FAM133A: variants seen among roughly 807,000 people sequenced by gnomAD.
The protein encoded by FAM133A is protein FAM133A.
For missense variants in FAM133A, 159 were observed against 164.4 expected (o/e 0.97, Z 0.18); for synonymous variants, 65 against 58.6 (o/e 1.11, Z -0.50).
At chrX:93,681,351 G>A (rs1004564574) in intron 2 of FAM133A, among the ~76,000 whole-genome samples, 1 of 109,153 alleles carries the variant, frequency 9.2e-6, no homozygotes, top group South Asian at 3.8e-4. Flanking sequence ...AATTTATTTG[G>A]ACAAAATGGA....
intron 2 of FAM133A, among the ~76,000 whole-genome samples, chrX:93,685,010 G>A (rs1441284987): frequency 9.0e-6 from 1 of 111,605 alleles, no homozygotes; most frequent in Non-Finnish European, 1.9e-5. Flanking sequence ...GGTATTTGAA[G>A]CTTTTATGCA....
chrX:93,683,426 T>G (rs1569345724), intron 2 of FAM133A, among the ~76,000 whole-genome samples: 1 of 112,217 alleles, frequency 8.9e-6, no homozygotes, highest in Non-Finnish European at 1.9e-5. Context: ...TTGCTTGAAT[T>G]AAGCATAATC....
chrX:93,674,136 G>T (rs1223495864), upstream of FAM133A: 1 of 110,961 alleles, frequency 9.0e-6, no homozygotes, highest in African/African-American at 3.3e-5. Flanking sequence ...AAAAAGGGGA[G>T]AGTCGGTTAT....
rs140251123 is a variant in FAM133A, at chrX:93,680,171, T to A, written c.-193+5419T>A. ...TCTTTGTTTCTATGAATGTGACATT[T>A]TTATGCTCCACATGTGAGATCACAT... is the stretch of plus-strand genomic sequence containing the variant. On this transcript the variant is annotated intron_variant, in intron 2 of 3. Transcript: ENST00000683942. Among the ~76,000 whole-genome samples, 716 of 109,651 alleles carry A rather than the reference T, an allele frequency of 6.5e-3. 17 individuals carry two copies. Among genetic ancestry groups the A allele is most frequent in the Admixed American group, 0.049 (500 of 10,219 alleles).
At chrX:93,708,899 G>C (rs1246793399) in intron 3 of FAM133A, among the ~76,000 whole-genome samples, 1 of 111,479 alleles carries the variant, frequency 9.0e-6, no homozygotes, top group Non-Finnish European at 1.9e-5. Flanking sequence ...TATGACTCCT[G>C]GGCTTCTGTC....
At position 93,710,143 on chromosome X, in the gene FAM133A, G is replaced by T; in HGVS notation, c.724G>T (p.Gly242Ter). Reference protein sequence around the residue: ...KHSKKKKKKSGSSHKSR With the variant: ...KHSKKKKKKS ...TAGTAAGAAGAAGAAAAAGAAGTCT[G>T]GATCAAGTCACAAGTCAAGGTAACA... Residue 242 changes from glycine (G) to a stop codon, truncating the protein, a stop_gained, in exon 4 of 4, where the codon GGA (glycine) becomes TGA (stop). Transcript: ENST00000683942. LOFTEE classifies it high-confidence loss of function. 8.5e-7 allele frequency: 1 copy of T among 1,179,209 alleles called. No individual in the cohort carries two copies. The highest frequency in any genetic ancestry group is 1.1e-6 in the Non-Finnish European group (1 of 885,203).
intron 2 of FAM133A, among the ~76,000 whole-genome samples, chrX:93,686,544 A>C (rs1925543011): frequency 8.9e-6 from 1 of 112,233 alleles, no homozygotes; most frequent in Non-Finnish European, 1.9e-5. Flanking sequence ...GAGGCTAGTG[A>C]GTCGGGTGTG....
Position 93,710,700 on chromosome X carries a change from C to T in FAM133A, c.*534C>T, listed in dbSNP as rs1358167793. 1 of 122,517 alleles carries T rather than the reference C, an allele frequency of 8.2e-6. No homozygotes were observed. Among genetic ancestry groups the T allele is most frequent in the Non-Finnish European group, 1.9e-5 (1 of 53,125 alleles). 10.1% of individuals were successfully genotyped at this position (122,517 alleles called of 1,213,427 possible). A position where few individuals can be genotyped will look rare whatever the true frequency, so the allele number is the denominator to read the frequency against. The stretch of plus-strand genomic sequence containing the variant: ...TCACTGTGGCTAGCTGAATAGTGTG[C>T]CTTTGACTCTTACACATCCTATTTT... On this transcript the variant is annotated 3_prime_UTR_variant, in exon 4 of 4. Transcript: ENST00000683942.
At chrX:93,697,185 AT>A (rs1390917438) in intron 2 of FAM133A, among the ~76,000 whole-genome samples, 494 of 77,069 alleles carry the variant, frequency 6.4e-3, no homozygotes, top group Non-Finnish European at 0.01. Context: ...ATATATATAT[AT>A]ATATAATATA....
At chrX:93,697,293 A>T (rs7891218) in intron 2 of FAM133A, among the ~76,000 whole-genome samples, 1 of 106,966 alleles carries the variant, frequency 9.3e-6, no homozygotes, top group African/African-American at 3.4e-5. Context: ...TTTTTCAGAG[A>T]GAAGTTTCTC....
At chrX:93,680,002 C>A in intron 2 of FAM133A, among the ~76,000 whole-genome samples, 1 of 93,292 alleles carries the variant, frequency 1.1e-5, no homozygotes. Context: ...TGGTCTCCAT[C>A]TCCTGATCTC....
chrX:93,681,261 C>A (rs2147589277), intron 2 of FAM133A, among the ~76,000 whole-genome samples: 1 of 105,145 alleles, frequency 9.5e-6, no homozygotes, highest in African/African-American at 3.5e-5. Flanking sequence ...ATGTATATAT[C>A]TTATATGATA....
At position 93,712,252 on chromosome X, in the gene FAM133A, T is replaced by G. The variant is rs972854649; in HGVS notation, c.*2086T>G. The stretch of plus-strand genomic sequence containing the variant: ...AACTTTTTAAGTGTAAGAAATAAAC[T>G]GTTATGTGTTAAACCACTGTGATTT... On this transcript the variant is annotated 3_prime_UTR_variant, in exon 4 of 4. Transcript: ENST00000683942. The G allele has an allele frequency of 4.0e-5, 5 of 123,505 alleles. No homozygotes were observed. Among genetic ancestry groups the G allele is most frequent in the Non-Finnish European group, 9.4e-5 (5 of 53,323 alleles). The allele number at this position is 123,505 out of a possible 1,213,427, so 10.2% of individuals were successfully genotyped here. A position where few individuals can be genotyped will look rare whatever the true frequency, so the allele number is the denominator to read the frequency against.
At chrX:93,682,200 A>G (rs1385264211) in intron 2 of FAM133A, among the ~76,000 whole-genome samples, 1 of 112,102 alleles carries the variant, frequency 8.9e-6, no homozygotes, top group Non-Finnish European at 1.9e-5. Context: ...GGATAATAAT[A>G]GTACCCATCT....
At chrX:93,679,530 T>G (rs1602784595) in intron 2 of FAM133A, among the ~76,000 whole-genome samples, 1 of 110,947 alleles carries the variant, frequency 9.0e-6, no homozygotes, top group East Asian at 2.8e-4. Context: ...GTTTCCCAAT[T>G]TGGATATTTA....
At chrX:93,694,083 A>T (rs1191793035) in intron 2 of FAM133A, among the ~76,000 whole-genome samples, 1 of 111,277 alleles carries the variant, frequency 9.0e-6, no homozygotes, top group Non-Finnish European at 1.9e-5. Context: ...ATCATCTTGT[A>T]TGTTTAGAAA....
At position 93,678,001 on chromosome X, in the gene FAM133A, G is replaced by A. The variant is rs919533649; in HGVS notation, c.-193+3249G>A. ...AAATTACCTGTTTTCCAAAGTGGTTGTTTTGCATTTCCACCAATAGTGCTC... is the reference window on the plus strand; with the variant it reads ...AAATTACCTGTTTTCCAAAGTGGTTATTTTGCATTTCCACCAATAGTGCTC... On this transcript the variant is annotated intron_variant, in intron 2 of 3. Transcript: ENST00000683942. Among the ~76,000 whole-genome samples the A allele has an allele frequency of 4.5e-5, 5 of 112,015 alleles. No individual in the cohort carries two copies. In the South Asian group the frequency reaches 1.8e-3, roughly 41 times the overall value.
At chrX:93,680,165 G>A (rs1250278730) in intron 2 of FAM133A, among the ~76,000 whole-genome samples, 1 of 108,979 alleles carries the variant, frequency 9.2e-6, no homozygotes. Context: ...CTATGAATGT[G>A]ACATTTTTAT....
intron 2 of FAM133A, 107 bp from the exon 3 acceptor site, chrX:93,698,290 A>G (rs1027534755): frequency 8.9e-6 from 1 of 111,888 alleles, no homozygotes; most frequent in African/African-American, 3.2e-5. Flanking sequence ...ATTTTCTTAC[A>G]TTTTTTGTTA....
Sources: allele counts gnomAD v4.1 joint callset (sites outside exome capture counted in the v4.1 genomes callset), GRCh38; gene constraint gnomAD v4.1.1; transcripts MANE v1.5; gene names NCBI Gene and HGNC (gene_info 2026-07-23, HGNC 2026-07-21).